ADGRV1: variants seen among roughly 807,000 people sequenced by gnomAD.
The protein encoded by ADGRV1 is adhesion G protein-coupled receptor V1, also known as G-protein coupled receptor 98.
Under a neutral mutation model 596.2 loss-of-function variants are expected in ADGRV1, and 359 were observed. That is an observed-to-expected ratio of 0.60 (90% confidence interval 0.55 to 0.66). The LOEUF is 0.66. Ranked by LOEUF, ADGRV1 falls within the 30% of genes least tolerant of loss-of-function variation. The pLI is 0.00. For missense variants in ADGRV1, 7,274 were observed against 7,575.6 expected, an observed-to-expected ratio of 0.96 and a Z score of 1.48; for synonymous variants, 2,681 against 2,679.2, an observed-to-expected ratio of 1.00 and a Z score of -0.02.
At chr5:90,646,436 A>G (rs1767773710) in intron 16 of ADGRV1, among the ~76,000 whole-genome samples, 1 of 151,580 alleles carries the variant, frequency 6.6e-6, no homozygotes, top group Admixed American at 6.6e-5. Context: ...ACACTTCTCC[A>G]TGTGATTTCT....
chr5:90,642,796 C>T (rs778579278), intron 12 of ADGRV1, 34 bp downstream of exon 12: 1 of 1,605,640 alleles, frequency 6.2e-7, no homozygotes, highest in Admixed American at 1.7e-5. Context: ...TTATTCTGTG[C>T]TCACAACTTT....
chr5:91,051,210 T>A (rs1017012501), intron 85 of ADGRV1, among the ~76,000 whole-genome samples: 8 of 152,216 alleles, frequency 5.3e-5, no homozygotes, highest in Admixed American at 6.5e-5. Flanking sequence ...ATGCATGTTT[T>A]AAATATATTC....
At position 90,778,016 on chromosome 5, in the gene ADGRV1, A is replaced by G. The variant is rs1342364874; in HGVS notation, c.12639A>G (p.Glu4213=). The change falls in exon 62 of 90, where the codon GAA becomes GAG. Residue 4213 remains glutamate, a synonymous_variant. Transcript: ENST00000405460. ...ETSGKLTMRD[E]QSAVIVVIQA... is the part of the protein sequence containing the mutation. ...CAGGAAAACTGACAATGCGAGACGA[A>G]CAGTCTGCAGTCATTGTAGTAATAC... The G allele has an allele frequency of 1.9e-6, 3 of 1,584,240 alleles. No homozygotes were observed. The highest frequency in any genetic ancestry group is 1.8e-5 in the Admixed American group (1 of 55,036).
Position 90,614,188 on chromosome 5 carries a change from A to G in ADGRV1, c.23-647A>G, listed in dbSNP as rs534002758. ...AAAAAAAAAAGAAAGTTGTCATGGA[A>G]AAAAAGGAAATATATACTTTGGCAA... is the stretch of plus-strand genomic sequence containing the variant. On this transcript the variant is annotated intron_variant, in intron 1 of 89. Coordinates refer to ENST00000405460, the MANE Select transcript of ADGRV1 (RefSeq NM_032119.4). The G allele has an allele frequency of 6.0e-4, 227 of 379,948 alleles. 5 individuals are homozygous for G. The highest frequency in any genetic ancestry group is 3.9e-3 in the South Asian group (195 of 49,668). The allele number at this position is 379,948 out of a possible 1,614,324, so 23.5% of individuals were successfully genotyped here.
intron 86 of ADGRV1, among the ~76,000 whole-genome samples, chr5:91,086,071 T>C (rs1391447279): frequency 3.9e-5 from 6 of 152,222 alleles, no homozygotes; most frequent in African/African-American, 1.4e-4. Context: ...AGTCCATCTC[T>C]CTTGGTTTTC....
intron 83 of ADGRV1, among the ~76,000 whole-genome samples, chr5:90,891,792 A>G (rs1054695400): frequency 6.6e-6 from 1 of 151,946 alleles, no homozygotes; most frequent in African/African-American, 2.4e-5. Context: ...AAATGTCATA[A>G]ACCCGCCTGC....
At chr5:90,839,469 C>G (rs562194567) in intron 77 of ADGRV1, among the ~76,000 whole-genome samples, 2 of 152,286 alleles carry the variant, frequency 1.3e-5, no homozygotes, top group African/African-American at 2.4e-5. Context: ...CCACCTCAGC[C>G]TCCCAAAGTG....
chr5:91,108,097 T>C (rs1270038033), intron 87 of ADGRV1, among the ~76,000 whole-genome samples: 2 of 152,204 alleles, frequency 1.3e-5, no homozygotes, highest in African/African-American at 4.8e-5. Context: ...CACTGGCACA[T>C]TCCTGGTACC....
At chr5:90,941,355 CAT>C (rs1254323308) in intron 83 of ADGRV1, among the ~76,000 whole-genome samples, 4 of 152,214 alleles carry the variant, frequency 2.6e-5, no homozygotes, top group Middle Eastern at 3.4e-3. Context: ...TATGATCAGT[CAT>C]GTGAATATTT....
rs377434983 is a variant in ADGRV1, at chr5:91,011,474, C to T, written c.18152+25952C>T. ...CACCCTAATAAGTGGCAAACAAGCA[C>T]TACTGCCTAGATTCTAGGGAATTTC... On this transcript the variant is annotated intron_variant, in intron 85 of 89. Coordinates refer to ENST00000405460, the MANE Select transcript of ADGRV1 (RefSeq NM_032119.4). 7.2e-5 allele frequency among the ~76,000 whole-genome samples: 11 copies of T among 152,036 alleles called. No individual in the cohort carries two copies. In the East Asian group the frequency reaches 1.7e-3, roughly 24 times the overall value.
chr5:90,941,157 C>G (rs1776138647), intron 83 of ADGRV1, among the ~76,000 whole-genome samples: 1 of 150,690 alleles, frequency 6.6e-6, no homozygotes, highest in Non-Finnish European at 1.5e-5. Flanking sequence ...AAAGTCTAAG[C>G]AGATAACACC....
At chr5:90,777,211 T>C (rs1758340284) in intron 61 of ADGRV1, among the ~76,000 whole-genome samples, 1 of 152,026 alleles carries the variant, frequency 6.6e-6, no homozygotes, top group Non-Finnish European at 1.5e-5. Context: ...AGGGGTGCTA[T>C]GTACTTTTCA....
intron 44 of ADGRV1, 53 bp downstream of exon 44, chr5:90,720,276 A>G: frequency 2.7e-6 from 3 of 1,118,060 alleles, no homozygotes; most frequent in Non-Finnish European, 3.7e-6. Flanking sequence ...AGTAGGGAAT[A>G]TTTTTTGACA....
intron 1 of ADGRV1, among the ~76,000 whole-genome samples, chr5:90,595,174 A>C (rs1285654791): frequency 2.5e-5 from 2 of 79,868 alleles, no homozygotes; most frequent in East Asian, 3.4e-4. Flanking sequence ...TGACCCCCCC[A>C]CCTCCCTCCC....
intron 85 of ADGRV1, among the ~76,000 whole-genome samples, chr5:91,070,188 T>A (rs66482530): frequency 0.13 from 20,006 of 152,154 alleles, 1,478 homozygotes; most frequent in African/African-American, 0.21. Flanking sequence ...GTCATTCATG[T>A]CCCAAACCTT....
intron 83 of ADGRV1, among the ~76,000 whole-genome samples, chr5:90,878,648 T>G (rs1435623058): frequency 6.6e-6 from 1 of 152,178 alleles, no homozygotes; most frequent in African/African-American, 2.4e-5. Flanking sequence ...TTCACAGTCA[T>G]TTATGAGATT....
At chr5:90,859,539 T>A (rs1464400292) in intron 82 of ADGRV1, among the ~76,000 whole-genome samples, 1 of 151,924 alleles carries the variant, frequency 6.6e-6, no homozygotes, top group Non-Finnish European at 1.5e-5. Context: ...CTCAAGCGAG[T>A]CTCCTGCCTC....
chr5:91,102,160 G>GACAAAA, intron 86 of ADGRV1, 59 bp from the exon 87 acceptor site: 1 of 1,517,310 alleles, frequency 6.6e-7, no homozygotes, highest in Non-Finnish European at 9.0e-7. Context: ...AAATAACTGT[G>GACAAAA]TATACATGTG....
intron 21 of ADGRV1, 81 bp from the exon 22 acceptor site, chr5:90,672,465 A>G (rs1029680564): frequency 1.2e-5 from 14 of 1,158,828 alleles, no homozygotes; most frequent in Admixed American, 2.1e-5. Context: ...GTTTATGGTA[A>G]AAGGATTTCA....
Sources: gnomAD v4.1 joint callset for allele counts (sites outside exome capture counted in the v4.1 genomes callset) on GRCh38, gnomAD v4.1.1 for gene constraint, MANE v1.5 for transcripts, NCBI Gene and HGNC (gene_info 2026-07-23, HGNC 2026-07-21) for gene names.